Variants in SLC2A13 observed in about 807,000 individuals in gnomAD.
SLC2A13 encodes the protein proton myo-inositol cotransporter.
Under a neutral mutation model 64.4 loss-of-function variants are expected in SLC2A13, and 32 were observed. The observed-to-expected ratio is 0.50, with a 90% CI of 0.37 to 0.67. SLC2A13 has a LOEUF of 0.67. Ranked by LOEUF, SLC2A13 falls within the 30% of genes least tolerant of loss-of-function variation. The probability of loss-of-function intolerance (pLI) is 0.00; values close to 1 mark genes in which losing one functional copy is unlikely to be tolerated. For synonymous variants in SLC2A13, 338 were observed against 327.1 expected (o/e 1.03, Z -0.36); for missense variants, 743 against 829.2 (o/e 0.90, Z 1.28).
At chr12:40,044,627 T>A (rs10878031) in intron 2 of SLC2A13, among the ~76,000 whole-genome samples, 63,953 of 152,086 alleles carry the variant, frequency 0.42, 13,688 homozygotes, top group African/African-American at 0.45. Context: ...GCAACATTGA[T>A]TCTGCTACTG....
intron 3 of SLC2A13, among the ~76,000 whole-genome samples, chr12:39,981,754 G>A (rs1284432495): frequency 1.4e-5 from 2 of 146,204 alleles, no homozygotes; most frequent in African/African-American, 2.5e-5. Flanking sequence ...GGTACAAGGA[G>A]GAACTGGTAC....
At chr12:39,807,039 C>T (rs1294966550) in intron 7 of SLC2A13, among the ~76,000 whole-genome samples, 1 of 152,106 alleles carries the variant, frequency 6.6e-6, no homozygotes, top group African/African-American at 2.4e-5. Context: ...GAAAAAAACA[C>T]ATTAGGTTGG....
chr12:40,049,811 A>G (rs1935226366), intron 1 of SLC2A13, among the ~76,000 whole-genome samples: 1 of 152,162 alleles, frequency 6.6e-6, no homozygotes, highest in South Asian at 2.1e-4. Flanking sequence ...GGGAAAATTC[A>G]CTGTATTATT....
At chr12:40,066,156 C>G (rs1463971193) in intron 1 of SLC2A13, among the ~76,000 whole-genome samples, 2 of 152,160 alleles carry the variant, frequency 1.3e-5, no homozygotes, top group Non-Finnish European at 2.9e-5. Context: ...CTTTGAGTCC[C>G]TGGAACCTAC....
intron 4 of SLC2A13, among the ~76,000 whole-genome samples, chr12:39,920,815 C>A (rs77648440): frequency 0.046 from 7,002 of 152,174 alleles, 297 homozygotes; most frequent in Admixed American, 0.13. Flanking sequence ...TACCCACACA[C>A]ACCTGACTAG....
chr12:39,932,757 T>C (rs1194076075), intron 4 of SLC2A13, among the ~76,000 whole-genome samples: 1 of 152,186 alleles, frequency 6.6e-6, no homozygotes, highest in Non-Finnish European at 1.5e-5. Context: ...GAGGAAGATC[T>C]TTCTAGCAGA....
chr12:39,967,898 C>T (rs545762522), intron 3 of SLC2A13, among the ~76,000 whole-genome samples: 2 of 152,176 alleles, frequency 1.3e-5, no homozygotes, highest in Admixed American at 1.3e-4. Flanking sequence ...ATCTACATAA[C>T]CTCAAAAAGG....
chr12:39,793,241 G>A (rs1429517014), intron 7 of SLC2A13, among the ~76,000 whole-genome samples: 1 of 152,054 alleles, frequency 6.6e-6, no homozygotes, highest in East Asian at 1.9e-4. Flanking sequence ...ATTTATAATA[G>A]CACTAGAAAA....
chr12:40,046,550 C>T (rs1948174032), intron 2 of SLC2A13, among the ~76,000 whole-genome samples: 1 of 152,028 alleles, frequency 6.6e-6, no homozygotes, highest in Non-Finnish European at 1.5e-5. Context: ...AGACTGACTT[C>T]CATTGCATTT....
At chr12:39,804,034 T>C (rs1941891197) in intron 7 of SLC2A13, among the ~76,000 whole-genome samples, 1 of 151,792 alleles carries the variant, frequency 6.6e-6, no homozygotes, top group Admixed American at 6.6e-5. Context: ...TTAAAAAAAA[T>C]TTGACAAGAA....
intron 9 of SLC2A13, among the ~76,000 whole-genome samples, chr12:39,760,888 G>A (rs954393735): frequency 7.2e-6 from 1 of 139,284 alleles, no homozygotes; most frequent in Admixed American, 7.5e-5. Context: ...ACATTTCCAA[G>A]ATGGACTTTT....
intron 3 of SLC2A13, among the ~76,000 whole-genome samples, chr12:40,003,577 G>T (rs1448434575): frequency 1.3e-5 from 2 of 151,782 alleles, no homozygotes; most frequent in Non-Finnish European, 2.9e-5. Context: ...ATTACTGAAG[G>T]GACTAATGAC....
Position 39,895,778 on chromosome 12 carries a change from GT to G in SLC2A13, c.1035-23818del, listed in dbSNP as rs1252299244. On this transcript the variant is annotated intron_variant, in intron 4 of 9. Coordinates refer to ENST00000280871, the MANE Select transcript of SLC2A13 (RefSeq NM_052885.4). ...TGTATACGTACACACATGTATATGC[GT>G]GTATACGTACACACATGTATATGCG... Among the ~76,000 whole-genome samples, 2 of 84,178 alleles carry G rather than the reference GT, an allele frequency of 2.4e-5. 1 individual carries two copies. The highest frequency in any genetic ancestry group is 2.5e-4 in the Admixed American group (2 of 8,040). 55.2% of individuals were successfully genotyped at this position (84,178 alleles called of 152,430 possible).
chr12:39,858,947 G>A (rs1943681187), intron 6 of SLC2A13, among the ~76,000 whole-genome samples: 1 of 152,104 alleles, frequency 6.6e-6, no homozygotes, highest in Admixed American at 6.5e-5. Flanking sequence ...TTTTATGATC[G>A]AATCTGACAG....
intron 4 of SLC2A13, among the ~76,000 whole-genome samples, chr12:39,896,229 CATATGTGTATATATGTATACATGTATGT>C (rs1565527502): frequency 1.6e-5 from 2 of 126,434 alleles, no homozygotes; most frequent in Admixed American, 8.2e-5. Context: ...TACATATATG[CATATGTGTATATATGTATACATGTATGT>C]ATATGTGTGT....
chr12:39,789,820 T>C (rs2135759276), intron 7 of SLC2A13, among the ~76,000 whole-genome samples: 1 of 152,298 alleles, frequency 6.6e-6, no homozygotes, highest in Non-Finnish European at 1.5e-5. Context: ...CACATATTTA[T>C]TGGCCATTTG....
chr12:39,959,000 G>A (rs1323136077), intron 3 of SLC2A13, among the ~76,000 whole-genome samples: 1 of 151,792 alleles, frequency 6.6e-6, no homozygotes, highest in Non-Finnish European at 1.5e-5. Context: ...TGTAAATAGA[G>A]GACATTCAGT....
At chr12:39,981,662 G>T (rs1946903419) in intron 3 of SLC2A13, among the ~76,000 whole-genome samples, 1 of 152,028 alleles carries the variant, frequency 6.6e-6, no homozygotes. Context: ...AATAACAGGA[G>T]CTGAAATTGT....
At chr12:39,862,489 A>T (rs1943788840) in intron 6 of SLC2A13, among the ~76,000 whole-genome samples, 1 of 152,214 alleles carries the variant, frequency 6.6e-6, no homozygotes, top group South Asian at 2.1e-4. Context: ...AATGAAGAAC[A>T]ATTTGTGCTC....
Sources: allele counts gnomAD v4.1 joint callset (sites outside exome capture counted in the v4.1 genomes callset), GRCh38; gene constraint gnomAD v4.1.1; transcripts MANE v1.5; gene names NCBI Gene and HGNC (gene_info 2026-07-23, HGNC 2026-07-21).